Variants in SLC26A7 observed in about 807,000 individuals in gnomAD.
The protein encoded by SLC26A7 is anion exchange transporter.
Under a neutral mutation model 82.5 loss-of-function variants are expected in SLC26A7, and 59 were observed. That is an observed-to-expected ratio of 0.72 (90% confidence interval 0.58 to 0.89). The LOEUF (loss-of-function observed/expected upper bound fraction) is 0.89, where lower values mean the gene tolerates loss of function less well. Among genes scored for constraint, SLC26A7 ranks in the 40% least tolerant of loss-of-function variants. SLC26A7 has a pLI of 0.00. For missense variants in SLC26A7, 820 were observed against 793.0 expected (o/e 1.03, Z -0.41); for synonymous variants, 271 against 274.3 (o/e 0.99, Z 0.12).
Position 91,366,519 on chromosome 8 carries a change from G to A in SLC26A7, c.1489-61G>A, listed in dbSNP as rs1814195095. 3 of 1,553,656 alleles carry A rather than the reference G, an allele frequency of 1.9e-6. No individual in the cohort carries two copies. In the African/African-American group the frequency reaches 4.2e-5, roughly 22 times the overall value. On this transcript the variant is annotated intron_variant, in intron 13 of 18. Coordinates refer to ENST00000276609, the MANE Select transcript of SLC26A7 (RefSeq NM_052832.4). ...ATAAAATTGAGTGACATTTAGATCTGATTGTTTATTGGCTATAATTTTCTA... is the reference window on the plus strand; with the variant it reads ...ATAAAATTGAGTGACATTTAGATCTAATTGTTTATTGGCTATAATTTTCTA...
intron 2 of SLC26A7, among the ~76,000 whole-genome samples, chr8:91,236,661 G>A (rs1015018341): frequency 6.6e-6 from 1 of 151,776 alleles, no homozygotes; most frequent in African/African-American, 2.4e-5. Flanking sequence ...AAGAGTTAGT[G>A]CAAGAAGAGC....
chr8:91,321,485 A>G (rs1164504445), intron 5 of SLC26A7, among the ~76,000 whole-genome samples: 1 of 152,220 alleles, frequency 6.6e-6, no homozygotes, highest in Non-Finnish European at 1.5e-5. Flanking sequence ...CCGAGTGTGA[A>G]ACATTACTAA....
At chr8:91,284,883 C>CT (rs1187210354) in intron 2 of SLC26A7, among the ~76,000 whole-genome samples, 1 of 152,162 alleles carries the variant, frequency 6.6e-6, no homozygotes, top group Admixed American at 6.5e-5. Context: ...TGATTTGATC[C>CT]TGTGCAGAAA....
intron 2 of SLC26A7, among the ~76,000 whole-genome samples, chr8:91,234,184 A>G (rs1400897191): frequency 2.6e-5 from 4 of 152,140 alleles, no homozygotes; most frequent in Non-Finnish European, 4.4e-5. Flanking sequence ...GATGACTACC[A>G]TCTTTCTGTG....
At chr8:91,276,164 C>G (rs1295448509) in intron 2 of SLC26A7, among the ~76,000 whole-genome samples, 1 of 151,136 alleles carries the variant, frequency 6.6e-6, no homozygotes, top group African/African-American at 2.4e-5. Flanking sequence ...GGGATTACTT[C>G]TTTTTTTTTC....
At chr8:91,382,577 C>A (rs1325759766) in intron 15 of SLC26A7, among the ~76,000 whole-genome samples, 3 of 152,124 alleles carry the variant, frequency 2.0e-5, no homozygotes, top group Non-Finnish European at 2.9e-5. Flanking sequence ...TGGAAGAATT[C>A]TCAGTCAAGT....
intron 7 of SLC26A7, among the ~76,000 whole-genome samples, chr8:91,338,820 A>C (rs145920222): frequency 1.3e-5 from 2 of 152,256 alleles, no homozygotes; most frequent in Non-Finnish European, 2.9e-5. Context: ...AAAATATATG[A>C]GGGAAGGAGG....
intron 4 of SLC26A7, among the ~76,000 whole-genome samples, chr8:91,316,285 T>A (rs1812627598): frequency 1.3e-5 from 2 of 151,882 alleles, no homozygotes; most frequent in South Asian, 4.1e-4. Context: ...TAGTTTCTTA[T>A]TTTTATTATT....
intron 2 of SLC26A7, among the ~76,000 whole-genome samples, chr8:91,287,587 G>A (rs1382450525): frequency 6.6e-6 from 1 of 152,158 alleles, no homozygotes; most frequent in Non-Finnish European, 1.5e-5. Context: ...CACTGATTTA[G>A]TCAATCTGTG....
intron 4 of SLC26A7, among the ~76,000 whole-genome samples, chr8:91,297,931 A>G (rs1002740526): frequency 3.9e-5 from 6 of 152,152 alleles, no homozygotes; most frequent in African/African-American, 1.4e-4. Flanking sequence ...TTAGGTTAAT[A>G]AGATTGTATT....
At chr8:91,310,460 ATGGTATCCC>A (rs1812449892) in intron 4 of SLC26A7, among the ~76,000 whole-genome samples, 1 of 152,100 alleles carries the variant, frequency 6.6e-6, no homozygotes, top group Admixed American at 6.6e-5. Flanking sequence ...ATTTGGCAGG[ATGGTATCCC>A]TCACTGAGGA....
At chr8:91,355,433 A>G (rs890728302) in intron 11 of SLC26A7, among the ~76,000 whole-genome samples, 2 of 151,724 alleles carry the variant, frequency 1.3e-5, no homozygotes, top group Non-Finnish European at 2.9e-5. Flanking sequence ...CTTCATATCT[A>G]TATATTTTCC....
intron 10 of SLC26A7, among the ~76,000 whole-genome samples, chr8:91,352,299 A>C (rs1021128742): frequency 1.3e-5 from 2 of 152,156 alleles, no homozygotes; most frequent in Admixed American, 6.6e-5. Flanking sequence ...GTGATTCAGA[A>C]CATTAGTGCC....
At chr8:91,391,851 T>G (rs1185975540) in intron 16 of SLC26A7, among the ~76,000 whole-genome samples, 1 of 152,100 alleles carries the variant, frequency 6.6e-6, no homozygotes, top group East Asian at 1.9e-4. Context: ...TTGTTGTTGT[T>G]GTTGTTCAAT....
Position 91,294,161 on chromosome 8 carries a change from C to A in SLC26A7, c.305-1370C>A, listed in dbSNP as rs60895388. Among the ~76,000 whole-genome samples, 1,505 of 152,252 alleles carry A rather than the reference C, an allele frequency of 9.9e-3. 25 individuals carry two copies. Among genetic ancestry groups the A allele is most frequent in the African/African-American group, 0.035 (1,434 of 41,542 alleles). On this transcript the variant is annotated intron_variant, in intron 3 of 18. Coordinates refer to ENST00000276609, the MANE Select transcript of SLC26A7 (RefSeq NM_052832.4). Reference sequence around the variant, plus strand: ...ACAGAGAAAAACATACAATGATAGACCATAACAGAGCATTCTGACTTTAGT... The same window carrying A: ...ACAGAGAAAAACATACAATGATAGAACATAACAGAGCATTCTGACTTTAGT...
At chr8:91,278,519 A>G (rs1811467489) in intron 2 of SLC26A7, among the ~76,000 whole-genome samples, 1 of 152,236 alleles carries the variant, frequency 6.6e-6, no homozygotes, top group Admixed American at 6.5e-5. Context: ...ATAGAAGTAT[A>G]TCACGAAATT....
chr8:91,249,895 T>C, intron 2 of SLC26A7, 51 bp downstream of exon 2: 1 of 1,386,614 alleles, frequency 7.2e-7, no homozygotes, highest in Non-Finnish European at 9.6e-7. Flanking sequence ...GATGTCACTT[T>C]GCTTCCTTGG....
At chr8:91,350,182 A>G (rs1477955157) in intron 9 of SLC26A7, among the ~76,000 whole-genome samples, 2 of 152,016 alleles carry the variant, frequency 1.3e-5, no homozygotes, top group African/African-American at 4.8e-5. Context: ...GCCAACAGGG[A>G]AAGGCCTTGA....
In SLC26A7 at chr8:91,225,643, GTTTTTTTTTTTTT is replaced by G. The variant is rs55732709; in HGVS notation, c.-34+6658_-34+6670del. The stretch of plus-strand genomic sequence containing the variant: ...TCTTGGCCCTGCCCCCTAGAAAAGT[GTTTTTTTTTTTTT>G]TTTTTTTTTTTTTTTTTTTACCATT... On this transcript the variant is annotated intron_variant, in intron 2 of 5. Coordinates refer to the SLC26A7 transcript ENST00000522862. Among the ~76,000 whole-genome samples, 329 of 36,140 alleles carry G rather than the reference GTTTTTTTTTTTTT, an allele frequency of 9.1e-3. 2 individuals are homozygous for G. The highest frequency in any genetic ancestry group is 0.015 in the Admixed American group (29 of 1,924). 23.7% of individuals were successfully genotyped at this position (36,140 alleles called of 152,430 possible). A position where few individuals can be genotyped will look rare whatever the true frequency, so the allele number is the denominator to read the frequency against.
Sources: gnomAD v4.1 joint callset for allele counts (sites outside exome capture counted in the v4.1 genomes callset) on GRCh38, gnomAD v4.1.1 for gene constraint, MANE v1.5 for transcripts, NCBI Gene and HGNC (gene_info 2026-07-23, HGNC 2026-07-21) for gene names.